The following MAP3K2 variants were observed in gnomAD, a reference collection of about 807,000 sequenced individuals.
The protein encoded by MAP3K2 is MAP/ERK kinase kinase 2.
MAP3K2 carries 24 observed loss-of-function variants against 80.3 expected under a neutral mutation model. The ratio of observed to expected loss-of-function variants is 0.30; its 90% CI spans 0.22 to 0.42. The LOEUF (loss-of-function observed/expected upper bound fraction) is 0.42, where lower values mean the gene tolerates loss of function less well. Among genes scored for constraint, MAP3K2 ranks in the 10% least tolerant of loss-of-function variants. MAP3K2 has a pLI of 1.00. For missense variants in MAP3K2, 608 were observed against 750.1 expected (o/e 0.81, Z 2.21); for synonymous variants, 244 against 253.7 (o/e 0.96, Z 0.36).
At chr2:127,388,048 A>G (rs1172102475), upstream of MAP3K2, 2 of 981,540 alleles carry the variant, frequency 2.0e-6, no homozygotes, top group African/African-American at 1.8e-5. Flanking sequence ...CGGTAGCGGA[A>G]CCCGCCGCGG....
rs1573975724 is a variant in MAP3K2, at chr2:127,308,874, T to G, written c.1457-112A>C. 8 of 1,126,922 alleles carry G rather than the reference T, an allele frequency of 7.1e-6. No homozygotes were observed. In the East Asian group the frequency reaches 2.0e-4, roughly 29 times the overall value. 69.8% of individuals were successfully genotyped at this position (1,126,922 alleles called of 1,614,324 possible). On this transcript the variant is annotated intron_variant, in intron 15 of 16. Transcript: ENST00000682094. ...TAGACTCTTTGATTTGTCCCCAAAG[T>G]TAGGCTGCTTTTCATCCTCTGGCAG... is the stretch of plus-strand genomic sequence containing the variant.
intron 2 of MAP3K2, among the ~76,000 whole-genome samples, chr2:127,341,029 G>A (rs1047143709): frequency 2.6e-5 from 4 of 152,038 alleles, no homozygotes; most frequent in African/African-American, 9.7e-5. Flanking sequence ...TCGCTCTATT[G>A]CCCAGGATGG....
rs560012453 is a variant in MAP3K2 at position 127,374,329 on chromosome 2, A to C, written c.-66+13123T>G. On this transcript the variant is annotated intron_variant, in intron 1 of 16. Transcript: ENST00000682094. ...AGATCAATGTATACATCTTATTTTT[A>C]TTACACACATTCGGGCCCACAGCTC... is the stretch of plus-strand genomic sequence containing the variant. 2.5e-4 allele frequency among the ~76,000 whole-genome samples: 38 copies of C among 152,198 alleles called. No homozygotes were observed. In the South Asian group the frequency reaches 4.0e-3, roughly 16 times the overall value.
chr2:127,334,913 G>T (rs1247921072), intron 5 of MAP3K2, among the ~76,000 whole-genome samples: 1 of 152,052 alleles, frequency 6.6e-6, no homozygotes, highest in African/African-American at 2.4e-5. Context: ...TGGAACTACA[G>T]GTGCACGTCA....
At position 127,305,188 on chromosome 2, in the gene MAP3K2, G is replaced by A. The variant is rs887425494; in HGVS notation, c.*2391C>T. 2 of 152,594 alleles carry A rather than the reference G, an allele frequency of 1.3e-5. No individual in the cohort carries two copies. Among genetic ancestry groups the A allele is most frequent in the African/African-American group, 4.8e-5 (2 of 41,534 alleles). 9.5% of individuals were successfully genotyped at this position (152,594 alleles called of 1,614,324 possible). Reference sequence around the variant, plus strand: ...GGTTACCCTGACAGACCAAAAACGAGCCAAAGGAAAAGCACAACTACACAA... The same window carrying A: ...GGTTACCCTGACAGACCAAAAACGAACCAAAGGAAAAGCACAACTACACAA... On this transcript the variant is annotated 3_prime_UTR_variant, in exon 17 of 17. Transcript: ENST00000682094.
At chr2:127,378,196 C>A (rs1222478318) in intron 1 of MAP3K2, 1 of 978,380 alleles carries the variant, frequency 1.0e-6, no homozygotes, top group African/African-American at 1.8e-5. Context: ...CAAAGAAAAA[C>A]CAAAGGTACA....
At chr2:127,330,531 C>T in intron 5 of MAP3K2, 26 bp from the exon 6 acceptor site, 1 of 1,163,626 alleles carries the variant, frequency 8.6e-7, no homozygotes, top group Non-Finnish European at 1.3e-6. Context: ...AGGAACCATG[C>T]AGCTATCTCA....
At chr2:127,316,895 T>C (rs1263749717) in intron 14 of MAP3K2, 1 of 152,146 alleles carries the variant, frequency 6.6e-6, no homozygotes, top group Non-Finnish European at 1.5e-5. Context: ...GCAGCACATA[T>C]ACTAAAATTA....
intron 1 of MAP3K2, among the ~76,000 whole-genome samples, chr2:127,359,873 A>C (rs1304082748): frequency 6.6e-6 from 1 of 152,150 alleles, no homozygotes; most frequent in Non-Finnish European, 1.5e-5. Context: ...TGCCAAAATC[A>C]TGCTTCCTAT....
chr2:127,343,329 G>A lies in MAP3K2; in HGVS notation c.-65-135C>T, dbSNP rs1395021098. ...AATACTTTACACATTTCGCTAGGGGGAGGTGTTTTATATTGAAGGTTGATC... is the reference window on the plus strand; with the variant it reads ...AATACTTTACACATTTCGCTAGGGGAAGGTGTTTTATATTGAAGGTTGATC... On this transcript the variant is annotated intron_variant, in intron 1 of 16. Transcript: ENST00000682094. The A allele has an allele frequency of 8.0e-6, 4 of 502,848 alleles. No homozygotes were observed. In the Admixed American group the frequency reaches 1.4e-4, roughly 17 times the overall value. 31.1% of individuals were successfully genotyped at this position (502,848 alleles called of 1,614,324 possible).
chr2:127,300,678 T>C lies in MAP3K2; in HGVS notation c.*6901A>G, dbSNP rs1314017981. 1.3e-5 allele frequency: 2 copies of C among 152,176 alleles called. No individual in the cohort carries two copies. Among genetic ancestry groups the C allele is most frequent in the Non-Finnish European group, 2.9e-5 (2 of 68,020 alleles). 9.4% of individuals were successfully genotyped at this position (152,176 alleles called of 1,614,324 possible). On this transcript the variant is annotated 3_prime_UTR_variant, in exon 17 of 17. Coordinates refer to ENST00000682094, the MANE Select transcript of MAP3K2 (RefSeq NM_001371910.2). ...AATGTAAACCATTTACTAATTAAGA[T>C]TGCATTAAAACAATTGTTGGTCTTT...
At chr2:127,376,825 G>T (rs1340106419) in intron 1 of MAP3K2, among the ~76,000 whole-genome samples, 1 of 152,104 alleles carries the variant, frequency 6.6e-6, no homozygotes, top group South Asian at 2.1e-4. Flanking sequence ...CAGCACTTTG[G>T]GAGTCTGAGA....
intron 15 of MAP3K2, among the ~76,000 whole-genome samples, chr2:127,311,860 T>G (rs1232759976): frequency 2.6e-5 from 4 of 152,194 alleles, no homozygotes; most frequent in Non-Finnish European, 4.4e-5. Flanking sequence ...ATCTTCTAAG[T>G]CTTTCCTAAA....
intron 1 of MAP3K2, among the ~76,000 whole-genome samples, chr2:127,365,035 T>C (rs975476393): frequency 4.6e-5 from 6 of 129,984 alleles, no homozygotes; most frequent in Admixed American, 8.6e-5. Flanking sequence ...GGCTGAGGTT[T>C]GAGCCCAGGA....
rs747176399 is a variant in MAP3K2, at chr2:127,330,374, A to C, written c.378+18T>G. On this transcript the variant is annotated intron_variant, in intron 6 of 16. Coordinates refer to ENST00000682094, the MANE Select transcript of MAP3K2 (RefSeq NM_001371910.2). The stretch of plus-strand genomic sequence containing the variant: ...TAAGTCCTATAATTCTTACTGAAAA[A>C]AATATCCCAAATCATACCTGTGTAC... The C allele has an allele frequency of 1.5e-6, 2 of 1,327,582 alleles. No individual in the cohort carries two copies. Among genetic ancestry groups the C allele is most frequent in the Non-Finnish European group, 2.1e-6 (2 of 946,340 alleles). 82.2% of individuals were successfully genotyped at this position (1,327,582 alleles called of 1,614,324 possible).
At chr2:127,337,568 T>C (rs1346621589) in intron 4 of MAP3K2, among the ~76,000 whole-genome samples, 170 bp downstream of exon 4, 1 of 152,252 alleles carries the variant, frequency 6.6e-6, no homozygotes, top group African/African-American at 2.4e-5. Flanking sequence ...AATTTTGACA[T>C]ATTTTATCTA....
intron 14 of MAP3K2, among the ~76,000 whole-genome samples, chr2:127,316,266 C>T (rs1219183940): frequency 2.6e-5 from 4 of 151,952 alleles, no homozygotes; most frequent in African/African-American, 4.8e-5. Context: ...CCCAGCTACA[C>T]GGGAGGCTGA....
intron 1 of MAP3K2, among the ~76,000 whole-genome samples, chr2:127,357,644 G>A (rs1214654701): frequency 6.6e-6 from 1 of 152,172 alleles, no homozygotes; most frequent in African/African-American, 2.4e-5. Context: ...CATACAGGTA[G>A]ATAAATGGTT....
At chr2:127,367,583 A>G (rs1281768036) in intron 1 of MAP3K2, among the ~76,000 whole-genome samples, 2 of 152,162 alleles carry the variant, frequency 1.3e-5, no homozygotes, top group East Asian at 3.9e-4. Flanking sequence ...ACCTGAGGTC[A>G]GGAGTTTGAG....
Sources: gnomAD v4.1 joint callset for allele counts (sites outside exome capture counted in the v4.1 genomes callset) on GRCh38, gnomAD v4.1.1 for gene constraint, MANE v1.5 for transcripts, NCBI Gene and HGNC (gene_info 2026-07-23, HGNC 2026-07-21) for gene names.